The following YWHAZ variants were observed in gnomAD, a reference collection of about 807,000 sequenced individuals.
YWHAZ encodes tyrosine 3-monooxygenase/tryptophan 5-monooxygenase activation protein zeta, also known as 14-3-3 protein zeta/delta.
For missense variants in YWHAZ, 79 were observed against 284.8 expected (o/e 0.28, Z 5.20); for synonymous variants, 87 against 103.6 (o/e 0.84, Z 0.97).
At chr8:100,951,104 G>T in intron 1 of YWHAZ, 1 of 915,856 alleles carries the variant, frequency 1.1e-6, no homozygotes, top group Non-Finnish European at 1.3e-6. Context: ...CCCCCACCAG[G>T]AAAATTCAAG....
rs772529934 is a variant in YWHAZ at position 100,924,162 on chromosome 8, T to G, written c.555A>C (p.Pro185=). 4 of 1,613,202 alleles carry G rather than the reference T, an allele frequency of 2.5e-6. No homozygotes were observed. Among genetic ancestry groups the G allele is most frequent in the Non-Finnish European group, 3.4e-6 (4 of 1,179,700 alleles). The change falls in exon 4 of 6, where the codon CCA becomes CCC. Residue 185 remains proline, a synonymous_variant. Transcript: ENST00000395958. The surrounding 1 kb of genome is among the most constrained non-coding windows in gnomAD (Gnocchi z 5.7). The part of the protein sequence containing the change: ...SVFYYEILNS[P]EKACSLAKTA... ...TCTTTGCAAGAGAGCAGGCTTTCTC[T>G]GGGGAGTTCAGAATCTCATAATAGA...
intron 2 of YWHAZ, among the ~76,000 whole-genome samples, chr8:100,945,208 C>G (rs554582043): frequency 1.3e-5 from 2 of 152,284 alleles, no homozygotes; most frequent in African/African-American, 4.8e-5. Context: ...TTGTGAAGAG[C>G]ATGCCAGTGA....
intron 2 of YWHAZ, among the ~76,000 whole-genome samples, chr8:100,945,847 T>G (rs1034517168): frequency 6.6e-6 from 1 of 151,970 alleles, no homozygotes; most frequent in African/African-American, 2.4e-5. Context: ...CTGACCTAAT[T>G]CTATGCTCTT....
At position 100,929,261 on chromosome 8, in the gene YWHAZ, G is replaced by A. The variant is rs190953236; in HGVS notation, c.295-4222C>T. 1.7e-3 allele frequency among the ~76,000 whole-genome samples: 248 copies of A among 150,250 alleles called. 4 individuals are homozygous for A. Among genetic ancestry groups the A allele is most frequent in the Non-Finnish European group, 4.6e-4 (31 of 67,788 alleles). Reference sequence around the variant, plus strand: ...GGCACCCAGGCTGGGGTGCAGTGGCGCAATGTCGGCTCACTGCAACCTCCT... The same window carrying A: ...GGCACCCAGGCTGGGGTGCAGTGGCACAATGTCGGCTCACTGCAACCTCCT... On this transcript the variant is annotated intron_variant, in intron 2 of 5. Transcript: ENST00000395958.
chr8:100,936,284 G>A (rs1368625667), intron 2 of YWHAZ, among the ~76,000 whole-genome samples: 2 of 152,202 alleles, frequency 1.3e-5, no homozygotes, highest in Non-Finnish European at 2.9e-5. Context: ...AATTTAGTTT[G>A]TAACCTTTGA....
chr8:100,935,685 TG>T (rs1168004002), intron 2 of YWHAZ, among the ~76,000 whole-genome samples: 2 of 151,556 alleles, frequency 1.3e-5, no homozygotes, highest in African/African-American at 4.8e-5. Context: ...CAGAGAGAAC[TG>T]GAAGAGAGTG....
At chr8:100,936,538 G>A (rs1319077387) in intron 2 of YWHAZ, among the ~76,000 whole-genome samples, 2 of 152,218 alleles carry the variant, frequency 1.3e-5, no homozygotes, top group African/African-American at 2.4e-5. Flanking sequence ...CAGACAGGCC[G>A]GGCACGGTGG....
At chr8:100,946,414 CTGGTGCACGCCCA>C (rs1475565858) in intron 2 of YWHAZ, among the ~76,000 whole-genome samples, 1 of 152,076 alleles carries the variant, frequency 6.6e-6, no homozygotes, top group African/African-American at 2.4e-5. Flanking sequence ...GCTGGGCGTG[CTGGTGCACGCCCA>C]GTAATCCCAG....
chr8:100,943,900 T>C (rs1810057967), intron 2 of YWHAZ, among the ~76,000 whole-genome samples: 1 of 145,878 alleles, frequency 6.9e-6, no homozygotes, highest in East Asian at 2.1e-4. Flanking sequence ...GGCAGGAGAA[T>C]GGCGTGAGCC....
At chr8:100,940,577 C>A (rs1809759838) in intron 2 of YWHAZ, among the ~76,000 whole-genome samples, 1 of 152,202 alleles carries the variant, frequency 6.6e-6, no homozygotes, top group Admixed American at 6.5e-5. Flanking sequence ...TAAAAAATTT[C>A]AGCTTTCTAA....
intron 2 of YWHAZ, among the ~76,000 whole-genome samples, chr8:100,938,911 T>C (rs1814403578): frequency 6.6e-6 from 1 of 152,234 alleles, no homozygotes; most frequent in South Asian, 2.1e-4. Flanking sequence ...TTATTACCTT[T>C]CTATGCAATG....
upstream of YWHAZ, chr8:100,953,382 G>C: frequency 1.0e-6 from 1 of 985,406 alleles, no homozygotes. Context: ...CCCGGAAGAA[G>C]GGGAAGGAGA....
At chr8:100,936,714 T>C (rs1814173003) in intron 2 of YWHAZ, among the ~76,000 whole-genome samples, 1 of 152,054 alleles carries the variant, frequency 6.6e-6, no homozygotes, top group East Asian at 1.9e-4. Context: ...GGCAGGTGAA[T>C]CGCTTGAACC....
Position 100,919,378 on chromosome 8 carries a change from CTAAGT to C in YWHAZ, c.*1310_*1314del, listed in dbSNP as rs1474716258. On this transcript the variant is annotated 3_prime_UTR_variant, in exon 6 of 6. Coordinates refer to ENST00000395958, the MANE Select transcript of YWHAZ (RefSeq NM_145690.3). Reference sequence around the variant, plus strand: ...GATGGGCCAAGAACATTGTGGCTTCCTAAGTTAGAAAATGCCATATGCCAAAATTT... The same window carrying C: ...GATGGGCCAAGAACATTGTGGCTTCCTAGAAAATGCCATATGCCAAAATTT... The C allele has an allele frequency of 1.3e-5, 2 of 152,564 alleles. No individual in the cohort carries two copies. Among genetic ancestry groups the C allele is most frequent in the Non-Finnish European group, 2.9e-5 (2 of 68,022 alleles). The allele number at this position is 152,564 out of a possible 1,614,324, so 9.5% of individuals were successfully genotyped here.
intron 1 of YWHAZ, chr8:100,950,951 G>A (rs1017041528): frequency 6.7e-5 from 12 of 179,908 alleles, no homozygotes; most frequent in Non-Finnish European, 1.2e-4. Context: ...CGAGCGCAGG[G>A]ACCCTCCAGT....
chr8:100,953,317 G>A (rs148792957), upstream of YWHAZ: 207 of 985,590 alleles, frequency 2.1e-4, 1 homozygote, highest in African/African-American at 3.5e-3. Context: ...AGTCCCCAGG[G>A]TTCCAGCTGG....
In YWHAZ at chr8:100,920,549, C is replaced by G. The variant is rs1453689194; in HGVS notation, c.*144G>C. On this transcript the variant is annotated 3_prime_UTR_variant, in exon 6 of 6. Transcript: ENST00000395958. The stretch of plus-strand genomic sequence containing the variant: ...CTCCCCTAATATTAAACATAAAAAC[C>G]ACATGGGAAATATAGAAATTCAAAT... 1.3e-6 allele frequency: 1 copy of G among 792,942 alleles called. No homozygotes were observed. The highest frequency in any genetic ancestry group is 2.6e-5 in the East Asian group (1 of 38,828). 49.1% of individuals were successfully genotyped at this position (792,942 alleles called of 1,614,324 possible). A position where few individuals can be genotyped will look rare whatever the true frequency, so the allele number is the denominator to read the frequency against.
rs1417316114 is a variant in YWHAZ at position 100,918,443 on chromosome 8, T to TATATATATATATA, written c.*2249_*2250insTATATATATATAT. The TATATATATATATA allele has an allele frequency of 9.4e-5, 11 of 117,050 alleles. No individual in the cohort carries two copies. The East Asian group carries it at 1.5e-3, about 16-fold the overall frequency. The allele number at this position is 117,050 out of a possible 1,614,324, so 7.3% of individuals were successfully genotyped here. A position where few individuals can be genotyped will look rare whatever the true frequency, so the allele number is the denominator to read the frequency against. On this transcript the variant is annotated 3_prime_UTR_variant, in exon 6 of 6. Transcript: ENST00000395958. Reference sequence around the variant, plus strand: ...ATATATATATATATATATATATATATAATTATTTTACCTCCTTGGCTTGGG... The same window carrying TATATATATATATA: ...ATATATATATATATATATATATATATATATATATATATAAATTATTTTACCTCCTTGGCTTGGG...
rs1045378600 is a variant in YWHAZ, at chr8:100,943,675, A to C, written c.294+4921T>G. On this transcript the variant is annotated intron_variant, in intron 2 of 5. Transcript: ENST00000395958. The stretch of plus-strand genomic sequence containing the variant: ...GGTGTGGCACTTTACATTAAAAAAA[A>C]CTGAACTTTATTACCAAAGACACTG... Among the ~76,000 whole-genome samples, 12 of 152,126 alleles carry C rather than the reference A, an allele frequency of 7.9e-5. No homozygotes were observed. In the South Asian group the frequency reaches 1.7e-3, roughly 21 times the overall value.
Sources: gnomAD v4.1 joint callset for allele counts (sites outside exome capture counted in the v4.1 genomes callset) on GRCh38, gnomAD v4.1.1 for gene constraint, Gnocchi (gnomAD v3.1) non-coding constraint, MANE v1.5 for transcripts, NCBI Gene and HGNC (gene_info 2026-07-23, HGNC 2026-07-21) for gene names.